GABRA6: variants seen among roughly 807,000 people sequenced by gnomAD.
GABRA6 encodes gamma-aminobutyric acid receptor subunit alpha-6.
In GABRA6, 45 loss-of-function variants were observed where a neutral mutation model predicts 47.3. That is an observed-to-expected ratio of 0.95 (90% CI 0.75 to 1.22). The LOEUF (loss-of-function observed/expected upper bound fraction) is 1.22. Ranked by LOEUF, GABRA6 falls within the 50% of genes most tolerant of loss-of-function variation. The probability of loss-of-function intolerance (pLI) is 0.00; values close to 1 mark genes in which losing one functional copy is unlikely to be tolerated. For missense variants in GABRA6, 583 were observed against 549.3 expected (o/e 1.06, Z -0.61); for synonymous variants, 219 against 194.7 (o/e 1.12, Z -1.04).
At chr5:161,689,961 C>G in intron 6 of GABRA6, 182 bp downstream of exon 6, 1 of 701,826 alleles carries the variant, frequency 1.4e-6, no homozygotes. Context: ...TTTGTGTAAT[C>G]TTGGAATAAG....
At position 161,701,534 on chromosome 5, in the gene GABRA6, A is replaced by C. The variant is rs1176771867; in HGVS notation, c.1123A>C (p.Thr375Pro). ...CAAATATCATCTGAAGAAAAGGATC[A>C]CTTCTCTGTCTTTGCCAATAGTTTC... ...DSKYHLKKRI[T>P]SLSLPIVSSS... The change falls in exon 9 of 9, where the codon ACT becomes CCT. Residue 375 changes from threonine to proline, a missense_variant. Transcript: ENST00000274545. The C allele has an allele frequency of 6.2e-7, 1 of 1,614,204 alleles. No individual in the cohort carries two copies. The highest frequency in any genetic ancestry group is 1.7e-5 in the Admixed American group (1 of 60,022).
intron 8 of GABRA6, among the ~76,000 whole-genome samples, chr5:161,697,041 A>G (rs975126049): frequency 6.6e-6 from 1 of 152,188 alleles, no homozygotes; most frequent in South Asian, 2.1e-4. Context: ...TTTTCCCTCT[A>G]TCAAATAGTT....
rs1754767034 is a variant in GABRA6, at chr5:161,690,142, C to T, written c.674-59C>T. 4 of 1,481,830 alleles carry T rather than the reference C, an allele frequency of 2.7e-6. No homozygotes were observed. In the South Asian group the frequency reaches 3.4e-5, roughly 13 times the overall value. The allele number at this position is 1,481,830 out of a possible 1,614,324, so 91.8% of individuals were successfully genotyped here. On this transcript the variant is annotated intron_variant, in intron 6 of 8. Transcript: ENST00000274545. ...AAAAGTTGTCAAGATTTATATTCAA[C>T]TGCATTCTTTTTGCAGACTGTCAGC...
intron 1 of GABRA6, 81 bp downstream of exon 1, chr5:161,686,108 T>C: frequency 2.1e-6 from 3 of 1,458,058 alleles, no homozygotes; most frequent in Non-Finnish European, 2.9e-6. Context: ...GACTCCTATA[T>C]CAAATCATGA....
Position 161,689,071 on chromosome 5 carries a change from CT to C in GABRA6, c.353del (p.Phe118SerfsTer12). 6.2e-7 allele frequency: 1 copy of C among 1,613,900 alleles called. No individual in the cohort carries two copies. Among genetic ancestry groups the C allele is most frequent in the South Asian group, 1.1e-5 (1 of 91,044 alleles). ...MVSKIWTPDT[F>X]FRNGKKSIAH... ...TCAGTAAAATCTGGACGCCTGACAC[CT>C]TTTTCAGAAATGGTAAAAAGTCCAT... On this transcript the variant is annotated frameshift_variant, in exon 4 of 9. Transcript: ENST00000274545. LOFTEE classifies it high-confidence loss of function.
At chr5:161,697,363 G>A (rs1754901743) in intron 8 of GABRA6, among the ~76,000 whole-genome samples, 1 of 152,208 alleles carries the variant, frequency 6.6e-6, no homozygotes, top group Non-Finnish European at 1.5e-5. Context: ...CAGAAATTCA[G>A]CGTGTTCCTT....
chr5:161,690,089 C>A lies in GABRA6; in HGVS notation c.674-112C>A. 14 of 1,010,988 alleles carry A rather than the reference C, an allele frequency of 1.4e-5. No homozygotes were observed. In the South Asian group the frequency reaches 1.8e-4, roughly 13 times the overall value. The allele number at this position is 1,010,988 out of a possible 1,614,324, so 62.6% of individuals were successfully genotyped here. A position where few individuals can be genotyped will look rare whatever the true frequency, so the allele number is the denominator to read the frequency against. ...TCTCATATACTGAAATGTACCTTTG[C>A]TTGTTTTCTTCCAGTCAATGTTAAT... On this transcript the variant is annotated intron_variant, in intron 6 of 8. Coordinates refer to ENST00000274545, the MANE Select transcript of GABRA6 (RefSeq NM_000811.3).
chr5:161,691,442 C>T (rs1466355395), intron 7 of GABRA6, among the ~76,000 whole-genome samples: 1 of 151,340 alleles, frequency 6.6e-6, no homozygotes, highest in Non-Finnish European at 1.5e-5. Context: ...ACTACAGGCG[C>T]CCGCCACCAA....
intron 8 of GABRA6, among the ~76,000 whole-genome samples, chr5:161,693,053 G>T (rs890121591): frequency 6.6e-6 from 1 of 152,110 alleles, no homozygotes; most frequent in African/African-American, 2.4e-5. Context: ...GGAATGTTTT[G>T]CTCTGTGAAT....
At chr5:161,697,623 A>G (rs541982145) in intron 8 of GABRA6, among the ~76,000 whole-genome samples, 12 of 152,226 alleles carry the variant, frequency 7.9e-5, no homozygotes, top group African/African-American at 2.9e-4. Context: ...GGAGGTGGCT[A>G]ATGGTATCAT....
At chr5:161,697,702 G>T (rs1754908322) in intron 8 of GABRA6, among the ~76,000 whole-genome samples, 1 of 152,120 alleles carries the variant, frequency 6.6e-6, no homozygotes, top group African/African-American at 2.4e-5. Context: ...AACAAAGAGT[G>T]ATTGGCCCCA....
chr5:161,691,134 T>A (rs1380951781), intron 7 of GABRA6, among the ~76,000 whole-genome samples: 1 of 152,028 alleles, frequency 6.6e-6, no homozygotes, highest in African/African-American at 2.4e-5. Flanking sequence ...TATCTTCTAA[T>A]GAGTAAATAT....
chr5:161,686,139 G>T (rs1754686602), intron 1 of GABRA6, 91 bp from the exon 2 acceptor site: 1 of 1,353,794 alleles, frequency 7.4e-7, no homozygotes, highest in Non-Finnish European at 1.1e-6. Flanking sequence ...AAGTGGTGTT[G>T]CATGTATTTG....
rs758574703 is a variant in GABRA6, at chr5:161,702,109, T to A, written c.*336T>A. 41 of 277,180 alleles carry A rather than the reference T, an allele frequency of 1.5e-4. No homozygotes were observed. The highest frequency in any genetic ancestry group is 2.2e-4 in the Non-Finnish European group (32 of 144,094). 17.2% of individuals were successfully genotyped at this position (277,180 alleles called of 1,614,324 possible). A position where few individuals can be genotyped will look rare whatever the true frequency, so the allele number is the denominator to read the frequency against. On this transcript the variant is annotated 3_prime_UTR_variant, in exon 9 of 9. Coordinates refer to ENST00000274545, the MANE Select transcript of GABRA6 (RefSeq NM_000811.3). The stretch of plus-strand genomic sequence containing the variant: ...TAAATAACATTTACCACAAGGCAGA[T>A]AAAATAAGAAATGCTGACACTTCCA...
chr5:161,696,618 C>T (rs1754890781), intron 8 of GABRA6, among the ~76,000 whole-genome samples: 1 of 152,066 alleles, frequency 6.6e-6, no homozygotes, highest in Admixed American at 6.6e-5. Context: ...ATTATGAACT[C>T]TCCAAACATT....
intron 8 of GABRA6, among the ~76,000 whole-genome samples, chr5:161,698,918 T>C (rs926331125): frequency 4.6e-5 from 7 of 152,200 alleles, no homozygotes; most frequent in Non-Finnish European, 7.3e-5. Flanking sequence ...GTATCCATTT[T>C]ACTACAAATT....
At chr5:161,689,950 A>C (rs899567409) in intron 6 of GABRA6, 171 bp downstream of exon 6, 3 of 716,902 alleles carry the variant, frequency 4.2e-6, no homozygotes, top group Non-Finnish European at 6.9e-6. Context: ...GCATATAAAG[A>C]TTTGTGTAAT....
At position 161,687,345 on chromosome 5, in the gene GABRA6, T is replaced by C. The variant is rs1249847208; in HGVS notation, c.225+342T>C. 7.8e-6 allele frequency: 3 copies of C among 384,524 alleles called. No homozygotes were observed. In the Admixed American group the frequency reaches 1.1e-4, roughly 14 times the overall value. 23.8% of individuals were successfully genotyped at this position (384,524 alleles called of 1,614,324 possible). On this transcript the variant is annotated intron_variant, in intron 3 of 8. Transcript: ENST00000274545. ...AGGAAGAAAAAAAACACACAGATCT[T>C]ATTCCATATAAAAGTTTATTGAGTA...
At chr5:161,689,974 G>GT (rs529032834) in intron 6 of GABRA6, 195 bp downstream of exon 6, 59 of 684,696 alleles carry the variant, frequency 8.6e-5, no homozygotes, top group South Asian at 1.7e-4. Flanking sequence ...GGAATAAGTA[G>GT]TTTTTTTTAT....
Sources: gnomAD v4.1 joint callset for allele counts (sites outside exome capture counted in the v4.1 genomes callset) on GRCh38, gnomAD v4.1.1 for gene constraint, MANE v1.5 for transcripts, NCBI Gene and HGNC (gene_info 2026-07-23, HGNC 2026-07-21) for gene names.